The following SOBP variants were observed in gnomAD, a reference collection of about 807,000 sequenced individuals.
SOBP encodes sine oculis-binding protein homolog.
SOBP carries 4 observed loss-of-function variants against 53.6 expected under a neutral mutation model. The ratio of observed to expected loss-of-function variants is 0.07; its 90% CI spans 0.04 to 0.17. The LOEUF (loss-of-function observed/expected upper bound fraction) is 0.17. SOBP is among the 10% of genes least tolerant of loss of function. The pLI is 1.00. For missense variants in SOBP, 1,088 were observed against 1,204.7 expected, an observed-to-expected ratio of 0.90 and a Z score of 1.43; for synonymous variants, 584 against 522.6, an observed-to-expected ratio of 1.12 and a Z score of -1.60.
At chr6:107,586,604 A>G (rs953518675) in intron 4 of SOBP, among the ~76,000 whole-genome samples, 8 of 151,552 alleles carry the variant, frequency 5.3e-5, no homozygotes, top group African/African-American at 1.9e-4. Context: ...TTAAAAATGG[A>G]GGGGAATCAG....
At chr6:107,517,198 A>G (rs1783347268) in intron 3 of SOBP, among the ~76,000 whole-genome samples, 1 of 152,226 alleles carries the variant, frequency 6.6e-6, no homozygotes, top group Non-Finnish European at 1.5e-5. Context: ...TCCAGAAACA[A>G]ATCTAAATTG....
In SOBP at chr6:107,490,466, C is replaced by T. The variant is rs1646552048; in HGVS notation, c.-151C>T. ...GACCCCGCTTCTCGGCGCCTGCCCT[C>T]CCCCTCGCGGCTCGGTCCGGCCCCG... is the stretch of plus-strand genomic sequence containing the variant. On this transcript the variant is annotated 5_prime_UTR_variant, in exon 1 of 7. Coordinates refer to ENST00000317357, the MANE Select transcript of SOBP (RefSeq NM_018013.4). 2 of 605,800 alleles carry T rather than the reference C, an allele frequency of 3.3e-6. No individual in the cohort carries two copies. Among genetic ancestry groups the T allele is most frequent in the Non-Finnish European group, 5.9e-6 (2 of 341,540 alleles). The allele number at this position is 605,800 out of a possible 1,614,324, so 37.5% of individuals were successfully genotyped here.
At chr6:107,543,404 A>G (rs1447307916) in intron 4 of SOBP, among the ~76,000 whole-genome samples, 1 of 152,212 alleles carries the variant, frequency 6.6e-6, no homozygotes, top group Non-Finnish European at 1.5e-5. Context: ...CTTGAAATTC[A>G]TACTCATTGT....
intron 5 of SOBP, among the ~76,000 whole-genome samples, chr6:107,593,965 C>T (rs73762275): frequency 0.013 from 1,999 of 152,308 alleles, 42 homozygotes; most frequent in African/African-American, 0.045. Flanking sequence ...TTGGCGGCAT[C>T]GCAAATGTTG....
chr6:107,539,712 G>A (rs556692584), intron 4 of SOBP, among the ~76,000 whole-genome samples: 7 of 152,198 alleles, frequency 4.6e-5, no homozygotes, highest in Non-Finnish European at 1.0e-4. Context: ...TGAAACAAAT[G>A]ATCAGGAAGG....
At chr6:107,618,369 G>A (rs1246740593) in intron 5 of SOBP, among the ~76,000 whole-genome samples, 3 of 152,184 alleles carry the variant, frequency 2.0e-5, no homozygotes, top group African/African-American at 7.2e-5. Context: ...AGGGGTAGCT[G>A]ATCACCCATT....
At chr6:107,606,500 C>T (rs1786388008) in intron 5 of SOBP, among the ~76,000 whole-genome samples, 2 of 152,162 alleles carry the variant, frequency 1.3e-5, no homozygotes, top group African/African-American at 4.8e-5. Context: ...TGCAGCTCCC[C>T]AGGAAGTTCA....
At chr6:107,646,378 A>G (rs1316767350) in intron 6 of SOBP, among the ~76,000 whole-genome samples, 2 of 152,258 alleles carry the variant, frequency 1.3e-5, no homozygotes, top group African/African-American at 4.8e-5. Context: ...GCTTGGCTCC[A>G]GATGGCCACA....
chr6:107,610,779 C>T (rs72945659), intron 5 of SOBP, among the ~76,000 whole-genome samples: 18,929 of 149,084 alleles, frequency 0.13, 1,304 homozygotes, highest in Admixed American at 0.19. Flanking sequence ...TGTGTGTGTG[C>T]GCACGTGTGT....
intron 4 of SOBP, among the ~76,000 whole-genome samples, chr6:107,584,937 A>G (rs1005687041): frequency 2.6e-5 from 4 of 152,314 alleles, no homozygotes; most frequent in Admixed American, 2.6e-4. Context: ...TATGCATAAT[A>G]AACACATTCC....
chr6:107,574,333 A>C (rs1785162786), intron 4 of SOBP, among the ~76,000 whole-genome samples: 1 of 152,192 alleles, frequency 6.6e-6, no homozygotes, highest in African/African-American at 2.4e-5. Flanking sequence ...TTTCCACATC[A>C]AAGAATAACA....
chr6:107,584,186 A>C (rs536663835), intron 4 of SOBP, among the ~76,000 whole-genome samples: 68 of 151,242 alleles, frequency 4.5e-4, no homozygotes, highest in African/African-American at 1.4e-3. Flanking sequence ...CTTTCTAAAA[A>C]CCACCTGTGT....
rs34004579 is a variant in SOBP at position 107,521,909 on chromosome 6, A to AACACACAC, written c.422-11506_422-11499dup. Among the ~76,000 whole-genome samples the AACACACAC allele has an allele frequency of 5.3e-3, 739 of 139,322 alleles. 9 individuals are homozygous for AACACACAC. Among genetic ancestry groups the AACACACAC allele is most frequent in the African/African-American group, 0.011 (384 of 36,258 alleles). 91.4% of individuals were successfully genotyped at this position (139,322 alleles called of 152,430 possible). A position where few individuals can be genotyped will look rare whatever the true frequency, so the allele number is the denominator to read the frequency against. ...GTCTGGTGGAAGAGACAGACATTAA[A>AACACACAC]ACACACACACACACACACACACACA... On this transcript the variant is annotated intron_variant, in intron 3 of 6. Coordinates refer to ENST00000317357, the MANE Select transcript of SOBP (RefSeq NM_018013.4).
In SOBP at chr6:107,634,724, C is replaced by T. The variant is rs1770920847; in HGVS notation, c.1880C>T (p.Ala627Val). 12 of 1,359,108 alleles carry T rather than the reference C, an allele frequency of 8.8e-6. No individual in the cohort carries two copies. The highest frequency in any genetic ancestry group is 1.1e-5 in the Non-Finnish European group (12 of 1,064,694). The allele number at this position is 1,359,108 out of a possible 1,614,324, so 84.2% of individuals were successfully genotyped here. The change falls in exon 6 of 7, where the codon GCC (alanine) becomes GTC (valine). Residue 627 changes from alanine to valine, a missense_variant. This residue lies in a region of SOBP where 665 missense variants were observed against 629.7 expected (regional missense o/e 1.06). Coordinates refer to ENST00000317357, the MANE Select transcript of SOBP (RefSeq NM_018013.4). The surrounding 1 kb of genome is among the most constrained non-coding windows in gnomAD (Gnocchi z 4.5). The stretch of plus-strand genomic sequence containing the variant: ...GAGGTGGTGGACCTGACGCGGCGCG[C>T]CGGCAGCCCCCCGGGCCCCCCGGGC... ...RSEVVDLTRR[A>V]GSPPGPPGAG...
intron 4 of SOBP, among the ~76,000 whole-genome samples, chr6:107,540,866 T>G (rs1306195350): frequency 1.3e-5 from 2 of 152,226 alleles, no homozygotes; most frequent in African/African-American, 4.8e-5. Flanking sequence ...GTTTGAGAGC[T>G]GAATTTGGCC....
intron 6 of SOBP, among the ~76,000 whole-genome samples, chr6:107,656,606 G>C (rs1207836861): frequency 6.6e-6 from 1 of 152,196 alleles, no homozygotes; most frequent in Non-Finnish European, 1.5e-5. Flanking sequence ...TTCAAACCTT[G>C]TTTTTGGCTG....
At position 107,634,561 on chromosome 6, in the gene SOBP, G is replaced by A; in HGVS notation, c.1717G>A (p.Ala573Thr). The A allele has an allele frequency of 6.2e-7, 1 of 1,606,986 alleles. No individual in the cohort carries two copies. Among genetic ancestry groups the A allele is most frequent in the Non-Finnish European group, 8.5e-7 (1 of 1,179,772 alleles). The change falls in exon 6 of 7, where the codon GCG becomes ACG. Residue 573 changes from alanine to threonine, a missense_variant. Physicochemically the swap from Ala to Thr is moderately conservative, Grantham distance 58. Transcript: ENST00000317357. The surrounding 1 kb of genome is among the most constrained non-coding windows in gnomAD (Gnocchi z 4.5). Reference protein sequence around the residue: ...IPNAPGDSAAAGGKPSGHSLS... With the variant: ...IPNAPGDSAATGGKPSGHSLS... ...GAACGCCCCTGGCGACTCCGCGGCG[G>A]CGGGCGGCAAGCCAAGCGGACACTC...
chr6:107,621,244 C>A (rs1043327333), intron 5 of SOBP: 19 of 324,160 alleles, frequency 5.9e-5, no homozygotes, highest in African/African-American at 4.2e-4. Flanking sequence ...ACAGTTCAGG[C>A]ATTTGGCCTG....
chr6:107,556,731 A>G (rs1345554213), intron 4 of SOBP, among the ~76,000 whole-genome samples: 4 of 152,222 alleles, frequency 2.6e-5, no homozygotes, highest in African/African-American at 4.8e-5. Flanking sequence ...AACGGAAACC[A>G]TCAGCTTGGG....
Sources: allele counts gnomAD v4.1 joint callset (sites outside exome capture counted in the v4.1 genomes callset), GRCh38; gene constraint gnomAD v4.1.1; regional missense constraint gnomAD v4.1.1; non-coding constraint Gnocchi (gnomAD v3.1); transcripts MANE v1.5; gene names NCBI Gene and HGNC (gene_info 2026-07-23, HGNC 2026-07-21).